KIAA1217: variants seen among roughly 807,000 people sequenced by gnomAD.
KIAA1217 encodes the protein sickle tail protein homolog.
KIAA1217 carries 88 observed loss-of-function variants against 163.9 expected under a neutral mutation model. That is an observed-to-expected ratio of 0.54 (90% CI 0.45 to 0.64). The LOEUF (loss-of-function observed/expected upper bound fraction) is 0.64, where lower values mean the gene tolerates loss of function less well. Among genes scored for constraint, KIAA1217 ranks in the 30% least tolerant of loss-of-function variants. The pLI, the probability that KIAA1217 is intolerant of heterozygous loss-of-function variation, is 0.00. For synonymous variants in KIAA1217, 903 were observed against 923.1 expected, an observed-to-expected ratio of 0.98 and a Z score of 0.39; for missense variants, 2,372 against 2,475.0, an observed-to-expected ratio of 0.96 and a Z score of 0.88.
intron 2 of KIAA1217, among the ~76,000 whole-genome samples, chr10:24,140,042 C>T (rs529083383): frequency 3.1e-4 from 47 of 151,684 alleles, no homozygotes; most frequent in African/African-American, 9.2e-4. Context: ...TGAGAACTTT[C>T]GCCTTTTCAC....
intron 2 of KIAA1217, among the ~76,000 whole-genome samples, chr10:24,190,878 A>T (rs1360482167): frequency 7.5e-6 from 1 of 132,516 alleles, no homozygotes; most frequent in Non-Finnish European, 1.7e-5. Flanking sequence ...TAACCAGGAC[A>T]TGGGTTTGTC....
chr10:23,725,377 A>T (rs972184517), intron 1 of KIAA1217, among the ~76,000 whole-genome samples: 1 of 152,236 alleles, frequency 6.6e-6, no homozygotes, highest in Non-Finnish European at 1.5e-5. Flanking sequence ...TTCAGCAGAA[A>T]GACTGGCATG....
At chr10:24,084,842 G>A (rs567173907) in intron 2 of KIAA1217, among the ~76,000 whole-genome samples, 1 of 152,086 alleles carries the variant, frequency 6.6e-6, no homozygotes, top group African/African-American at 2.4e-5. Flanking sequence ...CACCAAAATA[G>A]GTAGAACTAT....
At chr10:23,698,589 G>A (rs1030912368) in intron 1 of KIAA1217, among the ~76,000 whole-genome samples, 2 of 152,120 alleles carry the variant, frequency 1.3e-5, no homozygotes, top group South Asian at 2.1e-4. Context: ...ATGTGGGGTC[G>A]TAGATTACCG....
At chr10:24,196,435 A>C (rs1159832094) in intron 2 of KIAA1217, among the ~76,000 whole-genome samples, 4 of 152,240 alleles carry the variant, frequency 2.6e-5, no homozygotes, top group African/African-American at 7.2e-5. Context: ...AGCATTGCCA[A>C]AAGTGGATGT....
chr10:24,323,130 AT>A (rs930863120), intron 2 of KIAA1217, among the ~76,000 whole-genome samples: 17 of 147,058 alleles, frequency 1.2e-4, no homozygotes, highest in Non-Finnish European at 2.0e-4. Context: ...AAAAAAAAAA[AT>A]GTTTTTGTAG....
intron 4 of KIAA1217, among the ~76,000 whole-genome samples, chr10:24,437,796 A>G (rs2060164560): frequency 6.7e-6 from 1 of 148,904 alleles, no homozygotes. Context: ...CTAACCCACT[A>G]TGGAAGGAAA....
At chr10:23,772,166 T>G (rs1469577448) in intron 1 of KIAA1217, among the ~76,000 whole-genome samples, 2 of 152,202 alleles carry the variant, frequency 1.3e-5, no homozygotes, top group African/African-American at 4.8e-5. Flanking sequence ...CAAAGCTGGC[T>G]GGCAAAGCAA....
intron 2 of KIAA1217, among the ~76,000 whole-genome samples, chr10:24,244,425 T>C (rs1477207637): frequency 6.6e-6 from 1 of 152,178 alleles, no homozygotes; most frequent in African/African-American, 2.4e-5. Flanking sequence ...AAGAAAGTCA[T>C]CCTGAAGAAT....
rs563778492 is a variant in KIAA1217, at chr10:24,492,500, C to T, written c.1680-2000C>T. Among the ~76,000 whole-genome samples the T allele has an allele frequency of 2.0e-5, 3 of 152,342 alleles. No homozygotes were observed. The East Asian group carries it at 5.8e-4, about 29-fold the overall frequency. ...ATTCTATTACAGCAGAGAGACCATA[C>T]TATTAATACTTAAAATTGCTTGGTG... On this transcript the variant is annotated intron_variant, in intron 6 of 20. Transcript: ENST00000376454.
Position 24,524,550 on chromosome 10 carries a change from A to C in KIAA1217, c.2684A>C (p.Gln895Pro), listed in dbSNP as rs778171680. 6.2e-7 allele frequency: 1 copy of C among 1,613,912 alleles called. No homozygotes were observed. Among genetic ancestry groups the C allele is most frequent in the Non-Finnish European group, 8.5e-7 (1 of 1,179,910 alleles). ...GCGCAGAGCTCCCCTGTGGTCATCC[A>C]GCCCTCCCAGCACTCCGTGGCCCTG... The part of the protein sequence containing the change: ...RHAQSSPVVI[Q>P]PSQHSVALLN... Residue 895 changes from glutamine to proline, a missense_variant, in exon 13 of 21, where the codon CAG (glutamine) becomes CCG (proline). By Grantham distance (76) the Gln-to-Pro change is moderately conservative. Around this residue, in one of 3 missense-constraint regions of KIAA1217, gnomAD observed 1,431 missense variants for 1,470.3 expected, o/e 0.97. Transcript: ENST00000376454.
chr10:24,436,641 C>T (rs2060055789), intron 4 of KIAA1217, among the ~76,000 whole-genome samples: 1 of 151,324 alleles, frequency 6.6e-6, no homozygotes, highest in South Asian at 2.1e-4. Context: ...ACCTGTAGTC[C>T]CAGCTGCTGG....
chr10:24,266,118 G>A (rs1438261195), intron 2 of KIAA1217, among the ~76,000 whole-genome samples: 3 of 148,118 alleles, frequency 2.0e-5, no homozygotes, highest in African/African-American at 5.0e-5. Context: ...TCACCCTGTC[G>A]CCCAGGTTGG....
At chr10:23,987,023 C>A (rs1845999973) in intron 1 of KIAA1217, among the ~76,000 whole-genome samples, 1 of 152,108 alleles carries the variant, frequency 6.6e-6, no homozygotes, top group African/African-American at 2.4e-5. Flanking sequence ...GTTGCCCATT[C>A]TTTCATGATC....
chr10:24,254,940 G>C (rs1188160517), intron 2 of KIAA1217, among the ~76,000 whole-genome samples: 1 of 151,158 alleles, frequency 6.6e-6, no homozygotes, highest in Non-Finnish European at 1.5e-5. Context: ...AGCAACCTCT[G>C]CCTCCTGGGT....
At chr10:24,394,011 T>C (rs6482393) in intron 3 of KIAA1217, among the ~76,000 whole-genome samples, 2 of 152,080 alleles carry the variant, frequency 1.3e-5, no homozygotes, top group Non-Finnish European at 2.9e-5. Context: ...AAAATTGTGT[T>C]TGTCAAGCTT....
Position 23,809,765 on chromosome 10 carries a change from G to C in KIAA1217, c.-321+114531G>C, listed in dbSNP as rs1486102104. Among the ~76,000 whole-genome samples the C allele has an allele frequency of 1.3e-5, 2 of 151,870 alleles. 1 individual carries two copies. Among genetic ancestry groups the C allele is most frequent in the East Asian group, 3.9e-4 (2 of 5,190 alleles). On this transcript the variant is annotated intron_variant, in intron 1 of 18. Coordinates refer to the KIAA1217 transcript ENST00000376462. The stretch of plus-strand genomic sequence containing the variant: ...TTTAAAGAAAAAATCACTTACAATA[G>C]TATCAAAAAAATTTAATACCAAGGA...
At chr10:24,376,637 C>T (rs1211643893) in intron 2 of KIAA1217, among the ~76,000 whole-genome samples, 1 of 152,126 alleles carries the variant, frequency 6.6e-6, no homozygotes, top group East Asian at 1.9e-4. Context: ...TGGTACACAC[C>T]TGTAGTCCCA....
At chr10:24,069,272 G>T (rs2061092720) in intron 2 of KIAA1217, among the ~76,000 whole-genome samples, 1 of 152,190 alleles carries the variant, frequency 6.6e-6, no homozygotes, top group African/African-American at 2.4e-5. Context: ...TTCGACATGT[G>T]GTTCAACTCT....
Sources: allele counts gnomAD v4.1 joint callset (sites outside exome capture counted in the v4.1 genomes callset), GRCh38; gene constraint gnomAD v4.1.1; regional missense constraint gnomAD v4.1.1; transcripts MANE v1.5; gene names NCBI Gene and HGNC (gene_info 2026-07-23, HGNC 2026-07-21).